The following PCDHGA3 variants were observed in gnomAD, a reference collection of about 807,000 sequenced individuals.
PCDHGA3 encodes protocadherin gamma-A3.
Under a neutral mutation model 58.5 loss-of-function variants are expected in PCDHGA3, and 40 were observed. The ratio of observed to expected loss-of-function variants is 0.68; its 90% CI spans 0.53 to 0.89. The LOEUF (loss-of-function observed/expected upper bound fraction) is 0.89, where lower values mean the gene tolerates loss of function less well. Ranked by LOEUF, PCDHGA3 falls within the 40% of genes least tolerant of loss-of-function variation. The pLI, the probability that PCDHGA3 is intolerant of heterozygous loss-of-function variation, is 0.00. For missense variants in PCDHGA3, 1,223 were observed against 1,195.9 expected (o/e 1.02, Z -0.33); for synonymous variants, 530 against 525.7 (o/e 1.01, Z -0.11).
At chr5:141,507,450 CAGAG>C (rs940460926) in intron 3 of PCDHGA3, among the ~76,000 whole-genome samples, 1 of 152,170 alleles carries the variant, frequency 6.6e-6, no homozygotes, top group African/African-American at 2.4e-5. Flanking sequence ...GACGGAAGGA[CAGAG>C]AGAGAGGTGG....
In PCDHGA3 at chr5:141,345,667, A is replaced by AG. The variant is rs1561490536; in HGVS notation, c.1634_1635insG (p.Asn545LysfsTer242). 5 of 1,614,210 alleles carry AG rather than the reference A, an allele frequency of 3.1e-6. No homozygotes were observed. In the South Asian group the frequency reaches 5.5e-5, roughly 18 times the overall value. The stretch of plus-strand genomic sequence containing the variant: ...AGCGGGAACCCTCCACTCAGCAGCA[A>AG]CGTGTCGCTGAACCTGTTCGTGCTG... On this transcript the variant is annotated frameshift_variant, in exon 1 of 4. Coordinates refer to ENST00000253812, the MANE Select transcript of PCDHGA3 (RefSeq NM_018916.4). LOFTEE classifies it high-confidence loss of function.
chr5:141,392,700 T>C, intron 1 of PCDHGA3: 1 of 1,257,648 alleles, frequency 8.0e-7, no homozygotes, highest in Non-Finnish European at 1.1e-6. Flanking sequence ...GACCCCTGTT[T>C]GGAGGCACTC....
intron 1 of PCDHGA3, chr5:141,408,935 G>C (rs773802276): frequency 6.2e-7 from 1 of 1,613,472 alleles, no homozygotes; most frequent in Non-Finnish European, 8.5e-7. Context: ...TTTCAGCAGA[G>C]ACGAATATAG....
rs891428609 is a variant in PCDHGA3, at chr5:141,503,553, C to T, written c.2484-1840C>T. Among the ~76,000 whole-genome samples the T allele has an allele frequency of 9.4e-5, 14 of 149,164 alleles. No homozygotes were observed. In the East Asian group the frequency reaches 2.2e-3, roughly 23 times the overall value. On this transcript the variant is annotated intron_variant, in intron 2 of 3. Coordinates refer to ENST00000253812, the MANE Select transcript of PCDHGA3 (RefSeq NM_018916.4). ...GGCAGAGGTTGCAGTGAGCCGAGAT[C>T]GCGCCACTGTACTCCAGCCTGGGTG...
intron 1 of PCDHGA3, among the ~76,000 whole-genome samples, chr5:141,401,352 G>C (rs1381325058): frequency 6.6e-6 from 1 of 152,080 alleles, no homozygotes; most frequent in Non-Finnish European, 1.5e-5. Flanking sequence ...CAAAAAAAAG[G>C]AAGGAGAAGG....
In PCDHGA3 at chr5:141,485,609, G is replaced by A. The variant is rs1432367043; in HGVS notation, c.2425-9198G>A. The A allele has an allele frequency of 6.2e-7, 1 of 1,612,252 alleles. No homozygotes were observed. Among genetic ancestry groups the A allele is most frequent in the Non-Finnish European group, 8.5e-7 (1 of 1,178,656 alleles). On this transcript the variant is annotated intron_variant, in intron 1 of 3. Transcript: ENST00000253812. This position sits in a 1 kb window ranked among gnomAD's most constrained non-coding sequence, Gnocchi z 5.7. ...GCTGGACTTGGAAATTGGGGAGGCA[G>A]CTCCTCCAGGACAGCGTTTCCCGTT...
chr5:141,431,364 G>A lies in PCDHGA3; in HGVS notation c.2425-63443G>A. 1 of 1,614,010 alleles carries A rather than the reference G, an allele frequency of 6.2e-7. No homozygotes were observed. The highest frequency in any genetic ancestry group is 8.5e-7 in the Non-Finnish European group (1 of 1,180,022). On this transcript the variant is annotated intron_variant, in intron 1 of 3. Coordinates refer to ENST00000253812, the MANE Select transcript of PCDHGA3 (RefSeq NM_018916.4). This position sits in a 1 kb window ranked among gnomAD's most constrained non-coding sequence, Gnocchi z 4.8. ...TTGGTGCTGAAACGCGCCCTGGACCGCGAAGAAAAGGCTGCTCACCACCTG... is the reference window on the plus strand; with the variant it reads ...TTGGTGCTGAAACGCGCCCTGGACCACGAAGAAAAGGCTGCTCACCACCTG...
In PCDHGA3 at chr5:141,360,370, C is replaced by T. The variant is rs115198789; in HGVS notation, c.2424+13913C>T. 18 of 1,613,810 alleles carry T rather than the reference C, an allele frequency of 1.1e-5. No homozygotes were observed. The highest frequency in any genetic ancestry group is 1.4e-5 in the Non-Finnish European group (17 of 1,179,800). On this transcript the variant is annotated intron_variant, in intron 1 of 3. Coordinates refer to ENST00000253812, the MANE Select transcript of PCDHGA3 (RefSeq NM_018916.4). ...GGAGAAGGAATATTTCACAGTAAAC[C>T]CAGAAAGCGGAGACTTACTTGTGAG...
chr5:141,490,956 A>T lies in PCDHGA3; in HGVS notation c.2425-3851A>T. 1.2e-6 allele frequency: 2 copies of T among 1,613,828 alleles called. No homozygotes were observed. The highest frequency in any genetic ancestry group is 1.7e-6 in the Non-Finnish European group (2 of 1,179,852). ...TGCTGCACCCACGGCCAGACTGGGA[A>T]CACTCAGCCCCCCAGCGTCTCCCTC... On this transcript the variant is annotated intron_variant, in intron 1 of 3. Transcript: ENST00000253812. The surrounding 1 kb of genome is among the most constrained non-coding windows in gnomAD (Gnocchi z 5.4).
chr5:141,501,635 T>G (rs553343946), intron 2 of PCDHGA3, among the ~76,000 whole-genome samples: 1 of 152,236 alleles, frequency 6.6e-6, no homozygotes, highest in African/African-American at 2.4e-5. Flanking sequence ...TCTCAACCTC[T>G]CTGAGCCCTG....
At chr5:141,353,528 T>G (rs1236615692) in intron 1 of PCDHGA3, among the ~76,000 whole-genome samples, 2 of 152,208 alleles carry the variant, frequency 1.3e-5, no homozygotes, top group Non-Finnish European at 2.9e-5. Context: ...AATTTTATAT[T>G]TGCATCACTA....
Position 141,476,540 on chromosome 5 carries a change from T to C in PCDHGA3, c.2425-18267T>C, listed in dbSNP as rs148362631. On this transcript the variant is annotated intron_variant, in intron 1 of 3. Coordinates refer to ENST00000253812, the MANE Select transcript of PCDHGA3 (RefSeq NM_018916.4). The surrounding 1 kb of genome is among the most constrained non-coding windows in gnomAD (Gnocchi z 7.6). Reference sequence around the variant, plus strand: ...TGCTTTCCCTACCCAGGAAATGAAATTGGAGATTAGCGAGGCCGTGGCTCC... The same window carrying C: ...TGCTTTCCCTACCCAGGAAATGAAACTGGAGATTAGCGAGGCCGTGGCTCC... 9.4e-5 allele frequency: 151 copies of C among 1,614,122 alleles called. 1 individual carries two copies. In the African/African-American group the frequency reaches 1.3e-3, roughly 14 times the overall value.
At chr5:141,501,570 G>C (rs1251110101) in intron 2 of PCDHGA3, among the ~76,000 whole-genome samples, 1 of 151,996 alleles carries the variant, frequency 6.6e-6, no homozygotes, top group African/African-American at 2.4e-5. Flanking sequence ...ATCATATTAG[G>C]CTGGCTTTCA....
intron 1 of PCDHGA3, chr5:141,370,515 C>T (rs570951423): frequency 6.2e-7 from 1 of 1,613,860 alleles, no homozygotes; most frequent in South Asian, 1.1e-5. Context: ...TCCCGAGGAG[C>T]TGGACAGGGG....
At chr5:141,395,099 C>A (rs1337134243) in intron 1 of PCDHGA3, 1 of 1,614,228 alleles carries the variant, frequency 6.2e-7, no homozygotes. Flanking sequence ...TCACCGCCGA[C>A]TCGCGGAAGA....
At chr5:141,473,902 G>C (rs1593464039) in intron 1 of PCDHGA3, among the ~76,000 whole-genome samples, 1 of 152,240 alleles carries the variant, frequency 6.6e-6, no homozygotes, top group South Asian at 2.1e-4. Context: ...GGTTCATGAA[G>C]AGGTCTTAAG....
intron 1 of PCDHGA3, among the ~76,000 whole-genome samples, chr5:141,483,201 C>A (rs2099578254): frequency 6.6e-6 from 1 of 152,108 alleles, no homozygotes; most frequent in Non-Finnish European, 1.5e-5. Context: ...TTATTTTATT[C>A]CATATAGATG....
At position 141,371,231 on chromosome 5, in the gene PCDHGA3, T is replaced by C. The variant is rs770415345; in HGVS notation, c.2424+24774T>C. 5.6e-6 allele frequency: 9 copies of C among 1,613,934 alleles called. No homozygotes were observed. In the African/African-American group the frequency reaches 6.7e-5, roughly 12 times the overall value. ...AGGGCATCAATGCCGAAATCATCTA[T>C]GCCTTCATCAATATTGGCAAGGAAG... On this transcript the variant is annotated intron_variant, in intron 1 of 3. Coordinates refer to ENST00000253812, the MANE Select transcript of PCDHGA3 (RefSeq NM_018916.4).
intron 1 of PCDHGA3, chr5:141,398,812 C>T (rs1255452758): frequency 1.9e-6 from 3 of 1,613,824 alleles, no homozygotes; most frequent in Admixed American, 3.3e-5. Context: ...CACTGAGCTC[C>T]GGATCCAGGT....
Sources: gnomAD v4.1 joint callset for allele counts (sites outside exome capture counted in the v4.1 genomes callset) on GRCh38, gnomAD v4.1.1 for gene constraint, Gnocchi (gnomAD v3.1) non-coding constraint, MANE v1.5 for transcripts, NCBI Gene and HGNC (gene_info 2026-07-23, HGNC 2026-07-21) for gene names.